Variants in FOXO1 observed in about 807,000 individuals in gnomAD.
The protein encoded by FOXO1 is forkhead box O1.
A neutral mutation model predicts 44.1 loss-of-function variants in FOXO1; 6 were observed. The observed-to-expected ratio is 0.14, with a 90% CI of 0.07 to 0.27. The LOEUF (loss-of-function observed/expected upper bound fraction) is 0.27. Ranked by LOEUF, FOXO1 falls within the 10% of genes least tolerant of loss-of-function variation. The pLI, the probability that FOXO1 is intolerant of heterozygous loss-of-function variation, is 1.00. For synonymous variants in FOXO1, 380 were observed against 362.7 expected, an observed-to-expected ratio of 1.05 and a Z score of -0.54; for missense variants, 737 against 888.8, an observed-to-expected ratio of 0.83 and a Z score of 2.17.
At chr13:40,648,226 C>G (rs1468743840) in intron 1 of FOXO1, among the ~76,000 whole-genome samples, 2 of 152,146 alleles carry the variant, frequency 1.3e-5, no homozygotes, top group African/African-American at 4.8e-5. Flanking sequence ...GAAGCACACT[C>G]ATAAACTTTT....
At chr13:40,590,504 G>C (rs1405436072) in intron 1 of FOXO1, among the ~76,000 whole-genome samples, 1 of 152,150 alleles carries the variant, frequency 6.6e-6, no homozygotes, top group Non-Finnish European at 1.5e-5. Flanking sequence ...CCATCAAGTG[G>C]AACAAGAACT....
intron 1 of FOXO1, among the ~76,000 whole-genome samples, chr13:40,655,425 C>T (rs1319129933): frequency 6.6e-6 from 1 of 150,962 alleles, no homozygotes. Flanking sequence ...TTTTGCCTGA[C>T]ATCATTAACA....
At chr13:40,604,251 G>C (rs1404520806) in intron 1 of FOXO1, among the ~76,000 whole-genome samples, 2 of 151,436 alleles carry the variant, frequency 1.3e-5, no homozygotes, top group African/African-American at 4.9e-5. Context: ...TGTGTCACTT[G>C]TTCTTACAAG....
chr13:40,660,071 A>G (rs778575881), intron 1 of FOXO1, among the ~76,000 whole-genome samples: 24 of 152,218 alleles, frequency 1.6e-4, no homozygotes, highest in Non-Finnish European at 3.1e-4. Flanking sequence ...TTTCAAGTAC[A>G]TGTGGTCTTC....
At chr13:40,640,046 T>A (rs1043332455) in intron 1 of FOXO1, among the ~76,000 whole-genome samples, 7 of 152,330 alleles carry the variant, frequency 4.6e-5, no homozygotes, top group African/African-American at 1.7e-4. Flanking sequence ...TACTCAAGGT[T>A]CTAAACACTA....
intron 1 of FOXO1, among the ~76,000 whole-genome samples, chr13:40,659,609 C>T (rs757028700): frequency 1.3e-5 from 2 of 151,774 alleles, no homozygotes; most frequent in African/African-American, 2.4e-5. Context: ...TAGTATTTGA[C>T]TTAATATCAA....
At chr13:40,644,635 T>C (rs1877456583) in intron 1 of FOXO1, among the ~76,000 whole-genome samples, 1 of 152,152 alleles carries the variant, frequency 6.6e-6, no homozygotes, top group African/African-American at 2.4e-5. Context: ...GTATTGGACA[T>C]CCCAGTTATA....
chr13:40,642,091 T>C (rs1247432874), intron 1 of FOXO1, among the ~76,000 whole-genome samples: 2 of 152,172 alleles, frequency 1.3e-5, no homozygotes, highest in African/African-American at 4.8e-5. Context: ...CATATACAAA[T>C]TGGGGATAGT....
At chr13:40,579,371 G>A (rs563070218) in intron 1 of FOXO1, among the ~76,000 whole-genome samples, 97 of 152,310 alleles carry the variant, frequency 6.4e-4, no homozygotes, top group Middle Eastern at 3.4e-3. Flanking sequence ...GGATTACTCC[G>A]TGCGAAGCAA....
chr13:40,628,356 T>TAC (rs34314244), intron 1 of FOXO1, among the ~76,000 whole-genome samples: 14,682 of 145,202 alleles, frequency 0.1, 743 homozygotes, highest in East Asian at 0.15. Flanking sequence ...AAGAGCTGTT[T>TAC]ACACACACAC....
chr13:40,588,420 A>G (rs1875251747), intron 1 of FOXO1, among the ~76,000 whole-genome samples: 1 of 152,234 alleles, frequency 6.6e-6, no homozygotes, highest in Admixed American at 6.5e-5. Context: ...CTAAAAAGGT[A>G]GTGAAAATGT....
intron 1 of FOXO1, among the ~76,000 whole-genome samples, chr13:40,625,807 C>T (rs1029294548): frequency 6.6e-6 from 1 of 152,080 alleles, no homozygotes; most frequent in Non-Finnish European, 1.5e-5. Context: ...TTTCCTCTTA[C>T]CATGTGAAAG....
At chr13:40,563,054 C>T (rs2137826577) in intron 1 of FOXO1, among the ~76,000 whole-genome samples, 1 of 152,362 alleles carries the variant, frequency 6.6e-6, no homozygotes, top group Admixed American at 6.5e-5. Flanking sequence ...TCTTGGCCTC[C>T]TCTGCCAACT....
At chr13:40,657,127 A>G (rs570520234) in intron 1 of FOXO1, among the ~76,000 whole-genome samples, 2 of 152,156 alleles carry the variant, frequency 1.3e-5, no homozygotes, top group Non-Finnish European at 2.9e-5. Context: ...CCAGTCCACC[A>G]TCCCAAAAAT....
intron 1 of FOXO1, chr13:40,620,564 G>T: frequency 4.5e-6 from 2 of 440,348 alleles, no homozygotes; most frequent in South Asian, 5.1e-5. Flanking sequence ...CAGAGCTTCA[G>T]AGAAATGGTC....
chr13:40,560,166 A>C lies in FOXO1; in HGVS notation c.1325T>G (p.Leu442Arg). The C allele has an allele frequency of 6.2e-7, 1 of 1,614,070 alleles. No individual in the cohort carries two copies. The stretch of plus-strand genomic sequence containing the variant: ...TCCATAACTCGACTTATTGTCCTGA[A>C]GTGTTTGTATAGGCATCTGGGGCAA... The part of the protein sequence containing the change: ...SPLPQMPIQT[L>R]QDNKSSYGGM... The change falls in exon 2 of 3, where the codon CTT (leucine) becomes CGT (arginine). Residue 442 changes from leucine (L) to arginine (R), a missense_variant. Physicochemically the swap from Leu to Arg is moderately radical, Grantham distance 102. Around this residue, in one of 7 missense-constraint regions of FOXO1, gnomAD observed 283 missense variants for 278.1 expected, o/e 1.02. Transcript: ENST00000379561. This position sits in a 1 kb window ranked among gnomAD's most constrained non-coding sequence, Gnocchi z 5.1.
chr13:40,646,865 A>G (rs1453889459), intron 1 of FOXO1, among the ~76,000 whole-genome samples: 1 of 152,204 alleles, frequency 6.6e-6, no homozygotes, highest in East Asian at 1.9e-4. Context: ...AAATGCTGGG[A>G]TTACAGGCGT....
intron 1 of FOXO1, among the ~76,000 whole-genome samples, chr13:40,623,080 T>C (rs1876668940): frequency 6.6e-6 from 1 of 152,130 alleles, no homozygotes; most frequent in African/African-American, 2.4e-5. Context: ...ACCACCTGAT[T>C]TGCATTTATT....
chr13:40,621,301 C>T lies in FOXO1; in HGVS notation c.630+44282G>A, dbSNP rs908232450. On this transcript the variant is annotated intron_variant, in intron 1 of 2. Coordinates refer to ENST00000379561, the MANE Select transcript of FOXO1 (RefSeq NM_002015.4). ...TGGCTCTCAGAGAATTTCACTTGTC[C>T]GATCTGTCAGCAGCCTGTTTTAGGG... is the stretch of plus-strand genomic sequence containing the variant. 4.2e-5 allele frequency: 30 copies of T among 719,492 alleles called. No homozygotes were observed. In the African/African-American group the frequency reaches 5.5e-4, roughly 13 times the overall value. 44.6% of individuals were successfully genotyped at this position (719,492 alleles called of 1,614,324 possible). A position where few individuals can be genotyped will look rare whatever the true frequency, so the allele number is the denominator to read the frequency against.
Sources: gnomAD v4.1 joint callset for allele counts (sites outside exome capture counted in the v4.1 genomes callset) on GRCh38, gnomAD v4.1.1 for gene constraint, gnomAD v4.1.1 regional missense constraint, Gnocchi (gnomAD v3.1) non-coding constraint, MANE v1.5 for transcripts, NCBI Gene and HGNC (gene_info 2026-07-23, HGNC 2026-07-21) for gene names.